The following TJP3 variants were observed in gnomAD, a reference collection of about 807,000 sequenced individuals.
TJP3 encodes the protein tight junction protein ZO-3.
TJP3 carries 85 observed loss-of-function variants against 104.2 expected under a neutral mutation model. The observed-to-expected ratio is 0.82, with a 90% CI of 0.68 to 0.98. The LOEUF (loss-of-function observed/expected upper bound fraction) is 0.98. Among genes scored for constraint, TJP3 ranks in the 50% least tolerant of loss-of-function variants. The pLI is 0.00. For synonymous variants in TJP3, 550 were observed against 550.6 expected (o/e 1.00, Z 0.02); for missense variants, 1,367 against 1,322.8 (o/e 1.03, Z -0.52).
chr19:3,732,899 C>A (rs2036690400), intron 6 of TJP3, among the ~76,000 whole-genome samples: 1 of 152,304 alleles, frequency 6.6e-6, no homozygotes, highest in Middle Eastern at 3.4e-3. Flanking sequence ...TCCGCCTCGG[C>A]CTCCCAAAGT....
At chr19:3,729,205 G>A (rs994525342) in intron 3 of TJP3, among the ~76,000 whole-genome samples, 1 of 152,094 alleles carries the variant, frequency 6.6e-6, no homozygotes, top group African/African-American at 2.4e-5. Flanking sequence ...GGAATTCTTG[G>A]GGTCATAGTG....
intron 3 of TJP3, 126 bp from the exon 4 acceptor site, chr19:3,729,902 C>T (rs1382681476): frequency 5.6e-6 from 4 of 720,220 alleles, no homozygotes; most frequent in Non-Finnish European, 9.8e-6. Flanking sequence ...AACCTAGGGA[C>T]ACCAATGAAT....
At chr19:3,722,643 G>A (rs930714919) in intron 1 of TJP3, among the ~76,000 whole-genome samples, 9 of 151,632 alleles carry the variant, frequency 5.9e-5, no homozygotes, top group African/African-American at 2.2e-4. Flanking sequence ...AGCCTGGGCT[G>A]GTTTCTTCAG....
Position 3,743,935 on chromosome 19 carries a change from T to G in TJP3, c.1844-4T>G. Reference sequence around the variant, plus strand: ...GATTCTTTCACTGTGTCTCTACCCCTCAGCCAGTTTCAAGCGCCCGGTAGT... The same window carrying G: ...GATTCTTTCACTGTGTCTCTACCCCGCAGCCAGTTTCAAGCGCCCGGTAGT... On this transcript the variant is annotated splice_polypyrimidine_tract_variant and splice_region_variant and intron_variant, in intron 14 of 20. Coordinates refer to ENST00000541714, the MANE Select transcript of TJP3 (RefSeq NM_001267560.2). The G allele has an allele frequency of 6.2e-7, 1 of 1,614,014 alleles. No individual in the cohort carries two copies. Among genetic ancestry groups the G allele is most frequent in the Non-Finnish European group, 8.5e-7 (1 of 1,179,942 alleles).
Position 3,730,721 on chromosome 19 carries a change from G to A in TJP3, c.613+15G>A, listed in dbSNP as rs1194943666. The A allele has an allele frequency of 5.0e-6, 8 of 1,601,004 alleles. No homozygotes were observed. Among genetic ancestry groups the A allele is most frequent in the Admixed American group, 1.7e-5 (1 of 59,860 alleles). On this transcript the variant is annotated intron_variant, in intron 5 of 20. Coordinates refer to ENST00000541714, the MANE Select transcript of TJP3 (RefSeq NM_001267560.2). This position sits in a 1 kb window ranked among gnomAD's most constrained non-coding sequence, Gnocchi z 7.3. Reference sequence around the variant, plus strand: ...AGACAGCGAAGGTCAGAAGAGGCGGGAGGTCGGACACGATCAGTACTGGAC... The same window carrying A: ...AGACAGCGAAGGTCAGAAGAGGCGGAAGGTCGGACACGATCAGTACTGGAC...
Position 3,721,776 on chromosome 19 carries a change from C to T in TJP3, c.-9-6648C>T, listed in dbSNP as rs2036544261. Reference sequence around the variant, plus strand: ...GAGCTGGAGGGAGGAGGACGAGAGCCCGGCCCTCAGCCCGCTGTGACTCTC... The same window carrying T: ...GAGCTGGAGGGAGGAGGACGAGAGCTCGGCCCTCAGCCCGCTGTGACTCTC... On this transcript the variant is annotated intron_variant, in intron 1 of 20. Coordinates refer to ENST00000541714, the MANE Select transcript of TJP3 (RefSeq NM_001267560.2). The T allele has an allele frequency of 1.2e-5, 6 of 488,664 alleles. No individual in the cohort carries two copies. The South Asian group carries it at 6.2e-4, about 51-fold the overall frequency. The allele number at this position is 488,664 out of a possible 1,614,324, so 30.3% of individuals were successfully genotyped here. A position where few individuals can be genotyped will look rare whatever the true frequency, so the allele number is the denominator to read the frequency against.
intron 1 of TJP3, among the ~76,000 whole-genome samples, chr19:3,717,405 TTATATA>T (rs112882829): frequency 0.16 from 21,801 of 133,718 alleles, 1,842 homozygotes; most frequent in Non-Finnish European, 0.18. Context: ...CAGCCATAGC[TTATATA>T]TATATATATA....
At chr19:3,719,732 CA>C (rs34047272) in intron 1 of TJP3, among the ~76,000 whole-genome samples, 29,284 of 81,354 alleles carry the variant, frequency 0.36, 2,013 homozygotes, top group East Asian at 0.52. Flanking sequence ...GACTCCGTCT[CA>C]AAAAAAAAAA....
At chr19:3,740,474 G>A (rs904584843) in intron 13 of TJP3, 78 bp from the exon 14 acceptor site, 92 of 958,944 alleles carry the variant, frequency 9.6e-5, no homozygotes, top group African/African-American at 5.4e-4. Flanking sequence ...CACAGGCTCC[G>A]AGGGGTAGGA....
At chr19:3,718,655 G>C (rs1599144023) in intron 1 of TJP3, among the ~76,000 whole-genome samples, 1 of 151,438 alleles carries the variant, frequency 6.6e-6, no homozygotes, top group African/African-American at 2.4e-5. Context: ...TTTCAGTAGA[G>C]ACAGGGTTTC....
chr19:3,746,696 G>A lies in TJP3; in HGVS notation c.2221+1G>A. 1.2e-6 allele frequency: 2 copies of A among 1,609,850 alleles called. No homozygotes were observed. The highest frequency in any genetic ancestry group is 1.3e-5 in the African/African-American group (1 of 75,002). On this transcript the variant is annotated splice_donor_variant, in intron 17 of 20. Transcript: ENST00000541714. LOFTEE classifies it high-confidence loss of function. The surrounding 1 kb of genome is among the most constrained non-coding windows in gnomAD (Gnocchi z 4.1). ...AAACACAGCAGCCACCTCTTCACAG[G>A]TTGGGGGGTGGGTGTCCCAGGGTAG...
intron 9 of TJP3, 44 bp downstream of exon 9, chr19:3,735,683 C>G (rs1489953953): frequency 1.2e-6 from 2 of 1,611,196 alleles, no homozygotes; most frequent in Non-Finnish European, 1.7e-6. Flanking sequence ...CATTTCTGAT[C>G]CCTGACAGCA....
chr19:3,717,344 T>C (rs1001432939), intron 1 of TJP3, among the ~76,000 whole-genome samples: 17 of 123,834 alleles, frequency 1.4e-4, no homozygotes, highest in African/African-American at 3.3e-4. Flanking sequence ...CTCAAGTGAT[T>C]CGGCCGCCTT....
At chr19:3,725,876 G>A (rs934181967) in intron 1 of TJP3, among the ~76,000 whole-genome samples, 7 of 152,148 alleles carry the variant, frequency 4.6e-5, no homozygotes, top group African/African-American at 1.4e-4. Context: ...GAGAGGCCCC[G>A]CCATAGCTAG....
intron 1 of TJP3, among the ~76,000 whole-genome samples, chr19:3,716,342 G>A (rs2036476842): frequency 6.7e-6 from 1 of 148,580 alleles, no homozygotes; most frequent in South Asian, 2.3e-4. Context: ...CAAAGTGCTG[G>A]AATTACAGGT....
chr19:3,745,620 G>T (rs2036877150), intron 15 of TJP3, among the ~76,000 whole-genome samples: 1 of 152,214 alleles, frequency 6.6e-6, no homozygotes, highest in Non-Finnish European at 1.5e-5. Context: ...CAAGAGTGGA[G>T]TTTCCTGTGG....
Position 3,747,845 on chromosome 19 carries a change from G to C in TJP3, c.2374G>C (p.Asp792His). Reference sequence around the variant, plus strand: ...AGACCTCCCTCACCACGGCCTGGCCGACAGCTCCGCTGACCTCAGCTGCGA... The same window carrying C: ...AGACCTCCCTCACCACGGCCTGGCCCACAGCTCCGCTGACCTCAGCTGCGA... ...NLDLPHHGLA[D>H]SSADLSCDSR... Residue 792 changes from aspartate (D) to histidine (H), a missense_variant, in exon 19 of 21, where the codon GAC becomes CAC. Transcript: ENST00000541714. 1.9e-6 allele frequency: 3 copies of C among 1,610,532 alleles called. No individual in the cohort carries two copies. The highest frequency in any genetic ancestry group is 1.7e-6 in the Non-Finnish European group (2 of 1,179,588).
intron 1 of TJP3, among the ~76,000 whole-genome samples, chr19:3,717,836 A>G (rs2036495746): frequency 6.7e-6 from 1 of 148,164 alleles, no homozygotes; most frequent in African/African-American, 2.5e-5. Context: ...TGCAGCCTCC[A>G]CCGCCTGGGC....
At chr19:3,744,096 G>T (rs2036855884) in intron 15 of TJP3, 62 bp downstream of exon 15, 5 of 1,484,072 alleles carry the variant, frequency 3.4e-6, no homozygotes, top group African/African-American at 2.8e-5. Flanking sequence ...GTTTTTTTGT[G>T]GGGGGTCGGG....
Sources: gnomAD v4.1 joint callset for allele counts (sites outside exome capture counted in the v4.1 genomes callset) on GRCh38, gnomAD v4.1.1 for gene constraint, Gnocchi (gnomAD v3.1) non-coding constraint, MANE v1.5 for transcripts, NCBI Gene and HGNC (gene_info 2026-07-23, HGNC 2026-07-21) for gene names.